ACBD7: variants seen among roughly 807,000 people sequenced by gnomAD.
ACBD7 encodes acyl-CoA-binding domain-containing protein 7.
Under a neutral mutation model 13.7 loss-of-function variants are expected in ACBD7, and 11 were observed. The observed-to-expected ratio is 0.80, with a 90% CI of 0.50 to 1.33. ACBD7 has a LOEUF of 1.33. ACBD7 is among the 40% of genes most tolerant of loss of function. The probability of loss-of-function intolerance (pLI) is 0.00; values close to 1 mark genes in which losing one functional copy is unlikely to be tolerated. For synonymous variants in ACBD7, 43 were observed against 37.7 expected (o/e 1.14, Z -0.51); for missense variants, 111 against 103.0 (o/e 1.08, Z -0.33).
At chr10:15,084,914 A>G (rs2131397783) in intron 1 of ACBD7, among the ~76,000 whole-genome samples, 1 of 150,182 alleles carries the variant, frequency 6.7e-6, no homozygotes, top group African/African-American at 2.5e-5. Flanking sequence ...TCCTTTTATT[A>G]CATAGGTGTG....
At chr10:15,079,265 C>A (rs1844721316) in intron 1 of ACBD7, among the ~76,000 whole-genome samples, 1 of 116,646 alleles carries the variant, frequency 8.6e-6, no homozygotes, top group Non-Finnish European at 1.7e-5. Flanking sequence ...TTCGGTTTAA[C>A]TTCTTTTTTT....
intron 1 of ACBD7, among the ~76,000 whole-genome samples, chr10:15,087,920 G>GGAGGTTGCAGTGAGCA (rs1303037333): frequency 2.6e-5 from 4 of 152,124 alleles, no homozygotes; most frequent in East Asian, 1.9e-4. Flanking sequence ...CCTGGGAGGT[G>GGAGGTTGCAGTGAGCA]GAGGTTGCAG....
intron 1 of ACBD7, among the ~76,000 whole-genome samples, chr10:15,081,777 G>T (rs1793497931): frequency 6.6e-6 from 1 of 152,212 alleles, no homozygotes; most frequent in African/African-American, 2.4e-5. Flanking sequence ...GTAAGTTGGA[G>T]ATCAGGGTCT....
At chr10:15,087,598 G>A (rs774760785) in intron 1 of ACBD7, among the ~76,000 whole-genome samples, 14 of 151,924 alleles carry the variant, frequency 9.2e-5, no homozygotes, top group East Asian at 1.9e-4. Flanking sequence ...CCAACACAGC[G>A]AAACCCCATC....
At chr10:15,078,848 TA>T in intron 2 of ACBD7, 74 bp downstream of exon 2, 1 of 1,284,444 alleles carries the variant, frequency 7.8e-7, no homozygotes. Flanking sequence ...ATATTTTAAG[TA>T]ATTATATATT....
In ACBD7 at chr10:15,078,436, T is replaced by C; in HGVS notation, c.*94A>G. ...ATGCTAATAGCAAAAATATACATGATACATCAAGTTAACAGTATGCCTCTC... is the reference window on the plus strand; with the variant it reads ...ATGCTAATAGCAAAAATATACATGACACATCAAGTTAACAGTATGCCTCTC... On this transcript the variant is annotated 3_prime_UTR_variant, in exon 4 of 4. Coordinates refer to ENST00000356189, the MANE Select transcript of ACBD7 (RefSeq NM_001039844.3). 2 of 1,599,618 alleles carry C rather than the reference T, an allele frequency of 1.3e-6. No homozygotes were observed. The highest frequency in any genetic ancestry group is 1.7e-6 in the Non-Finnish European group (2 of 1,174,320).
At chr10:15,086,345 A>T (rs377180690) in intron 1 of ACBD7, among the ~76,000 whole-genome samples, 2 of 151,944 alleles carry the variant, frequency 1.3e-5, no homozygotes, top group African/African-American at 4.8e-5. Context: ...TATTGTTGAC[A>T]CGCAAATGCA....
rs1445933998 is a variant in ACBD7, at chr10:15,078,671, C to G, written c.193+20G>C. On this transcript the variant is annotated intron_variant, in intron 3 of 3. Transcript: ENST00000356189. ...GGAAATTAAGAAAGTTTGCTTTAAA[C>G]TTGTGAAAGACTAAAAAACCTTTTT... is the stretch of plus-strand genomic sequence containing the variant. 1 of 1,613,908 alleles carries G rather than the reference C, an allele frequency of 6.2e-7. No homozygotes were observed. Among genetic ancestry groups the G allele is most frequent in the Non-Finnish European group, 8.5e-7 (1 of 1,180,006 alleles).
chr10:15,087,338 C>G (rs58877824), intron 1 of ACBD7, among the ~76,000 whole-genome samples: 3 of 152,286 alleles, frequency 2.0e-5, no homozygotes, highest in East Asian at 3.9e-4. Context: ...TTAACTATGT[C>G]ACAGGCTAAG....
In ACBD7 at chr10:15,076,273, C is replaced by T. The variant is rs1172863925; in HGVS notation, c.*2257G>A. ...CATGAGACTGTCTTCTTTCAAAGAG[C>T]CTGTGTACCATCCAGAAAGACTGAG... On this transcript the variant is annotated 3_prime_UTR_variant, in exon 4 of 4. Transcript: ENST00000356189. The T allele has an allele frequency of 1.0e-6, 1 of 985,226 alleles. No homozygotes were observed. The highest frequency in any genetic ancestry group is 1.2e-6 in the Non-Finnish European group (1 of 829,900). The allele number at this position is 985,226 out of a possible 1,614,324, so 61.0% of individuals were successfully genotyped here.
chr10:15,083,437 A>G (rs993004456), intron 1 of ACBD7, among the ~76,000 whole-genome samples: 6 of 152,218 alleles, frequency 3.9e-5, no homozygotes, highest in Non-Finnish European at 8.8e-5. Context: ...TTCGGCCACA[A>G]AAAGAGAATA....
At chr10:15,079,878 C>T (rs373125460) in intron 1 of ACBD7, among the ~76,000 whole-genome samples, 1 of 123,892 alleles carries the variant, frequency 8.1e-6, no homozygotes, top group Non-Finnish European at 1.6e-5. Flanking sequence ...TGCCCAGCTG[C>T]TTTTCTTTTT....
chr10:15,079,537 A>G (rs1473283285), intron 1 of ACBD7, among the ~76,000 whole-genome samples: 1 of 149,460 alleles, frequency 6.7e-6, no homozygotes, highest in African/African-American at 2.5e-5. Context: ...GGCCTCCCAA[A>G]GTGCTGTGAC....
intron 1 of ACBD7, among the ~76,000 whole-genome samples, chr10:15,085,340 C>T (rs892637735): frequency 1.3e-5 from 2 of 152,202 alleles, no homozygotes; most frequent in African/African-American, 4.8e-5. Flanking sequence ...GCTGACTAGG[C>T]GGGCTGCTGT....
intron 1 of ACBD7, among the ~76,000 whole-genome samples, chr10:15,084,976 G>C (rs1201926770): frequency 1.3e-5 from 2 of 151,886 alleles, no homozygotes; most frequent in Non-Finnish European, 2.9e-5. Flanking sequence ...ATCGGCCTTA[G>C]GTTCCCTGCC....
chr10:15,087,811 TAA>T (rs747172396), intron 1 of ACBD7, among the ~76,000 whole-genome samples: 34 of 130,404 alleles, frequency 2.6e-4, no homozygotes, highest in South Asian at 2.5e-4. Flanking sequence ...GACTCCATCT[TAA>T]AAAAAAAAAA....
chr10:15,086,500 A>G (rs944249847), intron 1 of ACBD7, among the ~76,000 whole-genome samples: 1 of 152,248 alleles, frequency 6.6e-6, no homozygotes, highest in African/African-American at 2.4e-5. Flanking sequence ...TAAAAAGGAA[A>G]CTTTCAGATC....
chr10:15,088,722 G>T lies in ACBD7; in HGVS notation c.7C>A (p.Leu3Met). ...CCTCCCCGCGCCCCGGGTACCTGCAGGGCCATGGTGGCGGCTGCCGCGTTG... is the reference window on the plus strand; with the variant it reads ...CCTCCCCGCGCCCCGGGTACCTGCATGGCCATGGTGGCGGCTGCCGCGTTG... MALQADFDRAAED... is the reference protein window; with the variant it reads MAMQADFDRAAED... Residue 3 changes from leucine to methionine, a missense_variant, in exon 1 of 4, where the codon CTG becomes ATG. Leu to Met is a conservative substitution (Grantham distance 15, BLOSUM62 2). Coordinates refer to ENST00000356189, the MANE Select transcript of ACBD7 (RefSeq NM_001039844.3). The T allele has an allele frequency of 1.3e-6, 2 of 1,598,694 alleles. No homozygotes were observed. The highest frequency in any genetic ancestry group is 1.7e-6 in the Non-Finnish European group (2 of 1,175,742).
Position 15,079,941 on chromosome 10 carries a change from G to A in ACBD7, c.13-901C>T, listed in dbSNP as rs1299009787. Among the ~76,000 whole-genome samples the A allele has an allele frequency of 2.0e-5, 3 of 150,132 alleles. No homozygotes were observed. In the East Asian group the frequency reaches 5.9e-4, roughly 29 times the overall value. ...TTGAAGGTTTCTCAATCACCTCGCA[G>A]ATGCGCCCTTCCTCTTCTGCCTCAG... On this transcript the variant is annotated intron_variant, in intron 1 of 3. Transcript: ENST00000356189.
Sources: gnomAD v4.1 joint callset for allele counts (sites outside exome capture counted in the v4.1 genomes callset) on GRCh38, gnomAD v4.1.1 for gene constraint, MANE v1.5 for transcripts, NCBI Gene and HGNC (gene_info 2026-07-23, HGNC 2026-07-21) for gene names.